Variants in HACE1 observed in about 807,000 individuals in gnomAD.
HACE1 encodes the protein E3 ubiquitin-protein ligase HACE1.
A neutral mutation model predicts 118.4 loss-of-function variants in HACE1; 73 were observed. That is an observed-to-expected ratio of 0.62 (90% CI 0.51 to 0.75). The LOEUF is 0.75. HACE1 is among the 30% of genes least tolerant of loss of function. The pLI, the probability that HACE1 is intolerant of heterozygous loss-of-function variation, is 0.00. For synonymous variants in HACE1, 368 were observed against 374.8 expected, an observed-to-expected ratio of 0.98 and a Z score of 0.21; for missense variants, 749 against 1,102.2, an observed-to-expected ratio of 0.68 and a Z score of 4.54.
intron 19 of HACE1, among the ~76,000 whole-genome samples, chr6:104,752,607 A>C (rs1309922829): frequency 6.6e-6 from 1 of 152,136 alleles, no homozygotes; most frequent in African/African-American, 2.4e-5. Context: ...ACAAGTCATG[A>C]AGCATGAAAA....
At chr6:104,790,154 A>AT (rs1430620925) in intron 11 of HACE1, among the ~76,000 whole-genome samples, 2 of 152,148 alleles carry the variant, frequency 1.3e-5, no homozygotes, top group African/African-American at 4.8e-5. Context: ...TCCTAGACTG[A>AT]TTTTTTTAAA....
intron 19 of HACE1, among the ~76,000 whole-genome samples, chr6:104,754,843 C>T (rs1778427092): frequency 6.6e-6 from 1 of 152,144 alleles, no homozygotes; most frequent in South Asian, 2.1e-4. Context: ...CACTGAAGTA[C>T]ACTGACCAGT....
At chr6:104,800,435 T>C (rs534892784) in intron 7 of HACE1, among the ~76,000 whole-genome samples, 1 of 152,156 alleles carries the variant, frequency 6.6e-6, no homozygotes, top group Non-Finnish European at 1.5e-5. Flanking sequence ...GACCCCTGTG[T>C]AGCCTAACTA....
chr6:104,791,431 TA>T (rs1313525683), intron 11 of HACE1, 72 bp downstream of exon 11: 48 of 1,328,298 alleles, frequency 3.6e-5, no homozygotes, highest in Non-Finnish European at 4.9e-5. Flanking sequence ...GCTTTCTGAT[TA>T]ATGAATGCAT....
rs529990650 is a variant in HACE1 at position 104,729,797 on chromosome 6, G to C, written c.2628-33C>G. On this transcript the variant is annotated intron_variant, in intron 23 of 23. Coordinates refer to ENST00000262903, the MANE Select transcript of HACE1 (RefSeq NM_020771.4). The stretch of plus-strand genomic sequence containing the variant: ...AGAAAAATATACCACCATTAAACAG[G>C]AAATCTATAAAATTTCTGATTGTTT... 1.4e-5 allele frequency: 13 copies of C among 910,632 alleles called. No homozygotes were observed. The East Asian group carries it at 2.4e-4, about 17-fold the overall frequency. 56.4% of individuals were successfully genotyped at this position (910,632 alleles called of 1,614,324 possible).
At chr6:104,843,687 T>A (rs777697606) in intron 4 of HACE1, among the ~76,000 whole-genome samples, 6 of 152,224 alleles carry the variant, frequency 3.9e-5, no homozygotes, top group Non-Finnish European at 7.3e-5. Context: ...GTATCCTACA[T>A]TCTTGACAGC....
chr6:104,737,265 A>T (rs1388820410), intron 22 of HACE1, among the ~76,000 whole-genome samples: 2 of 141,870 alleles, frequency 1.4e-5, no homozygotes, highest in African/African-American at 2.7e-5. Context: ...CCTGGGGGAC[A>T]GAGTGAGACT....
intron 19 of HACE1, among the ~76,000 whole-genome samples, chr6:104,761,918 C>CA (rs773827939): frequency 9.9e-5 from 15 of 152,178 alleles, no homozygotes; most frequent in Non-Finnish European, 1.9e-4. Flanking sequence ...CAAAAGAAGA[C>CA]ATTTATGCAC....
At chr6:104,784,958 A>C in intron 12 of HACE1, 27 bp downstream of exon 12, 1 of 1,484,256 alleles carries the variant, frequency 6.7e-7, no homozygotes, top group Non-Finnish European at 9.4e-7. Context: ...CAGAGAAAAA[A>C]AAAATAATAA....
At chr6:104,834,233 C>A (rs1212177347) in intron 5 of HACE1, among the ~76,000 whole-genome samples, 4 of 152,102 alleles carry the variant, frequency 2.6e-5, no homozygotes, top group Non-Finnish European at 5.9e-5. Context: ...TACTCTGCTT[C>A]TCAGATAATC....
In HACE1 at chr6:104,836,397, C is replaced by T. The variant is rs576374957; in HGVS notation, c.403-3224G>A. ...GTTGCAGTAGGGCAAGAAACAAATA[C>T]AAAAGACATACAAACTGCGAAGAAA... On this transcript the variant is annotated intron_variant, in intron 5 of 23. Transcript: ENST00000262903. Among the ~76,000 whole-genome samples the T allele has an allele frequency of 1.1e-4, 16 of 152,216 alleles. No individual in the cohort carries two copies. The South Asian group carries it at 3.3e-3, about 32-fold the overall frequency.
At chr6:104,787,047 T>C (rs930328739) in intron 11 of HACE1, 1 of 152,222 alleles carries the variant, frequency 6.6e-6, no homozygotes, top group Non-Finnish European at 1.5e-5. Context: ...ATATTCTCTT[T>C]TTGAAAATAT....
intron 7 of HACE1, among the ~76,000 whole-genome samples, chr6:104,799,620 A>C (rs1481801709): frequency 6.6e-6 from 1 of 152,236 alleles, no homozygotes; most frequent in Non-Finnish European, 1.5e-5. Context: ...GAACAGTTAC[A>C]TGGCAGACCA....
intron 22 of HACE1, among the ~76,000 whole-genome samples, chr6:104,742,958 A>T (rs1356749568): frequency 3.4e-4 from 52 of 152,058 alleles, no homozygotes; most frequent in Admixed American, 1.6e-3. Flanking sequence ...GTGGCACATA[A>T]ACACCATGGA....
At chr6:104,780,371 T>C (rs1032819536) in intron 14 of HACE1, 4 of 451,818 alleles carry the variant, frequency 8.9e-6, no homozygotes, top group African/African-American at 2.0e-5. Context: ...CCATAAATAA[T>C]TCACAAAACA....
intron 1 of HACE1, among the ~76,000 whole-genome samples, chr6:104,856,982 A>C (rs1486422036): frequency 6.6e-6 from 1 of 151,988 alleles, no homozygotes; most frequent in Non-Finnish European, 1.5e-5. Context: ...GCTGACTAAA[A>C]AGTTTACAAG....
chr6:104,852,226 TGTGCGCGC>T (rs1459636479), intron 2 of HACE1, 83 bp downstream of exon 2: 5 of 716,894 alleles, frequency 7.0e-6, no homozygotes, highest in African/African-American at 5.9e-5. Context: ...TGTGTGTGTG[TGTGCGCGC>T]GTGCGCGTGC....
At chr6:104,834,413 T>TA (rs1369799713) in intron 5 of HACE1, among the ~76,000 whole-genome samples, 1 of 152,194 alleles carries the variant, frequency 6.6e-6, no homozygotes, top group Middle Eastern at 3.2e-3. Context: ...GTAAAAAATA[T>TA]ATAAAACACC....
At chr6:104,824,304 T>A (rs1773086307) in intron 6 of HACE1, among the ~76,000 whole-genome samples, 2 of 152,204 alleles carry the variant, frequency 1.3e-5, no homozygotes, top group African/African-American at 4.8e-5. Context: ...CATACGATAT[T>A]GAGATATCAT....
Sources: allele counts gnomAD v4.1 joint callset (sites outside exome capture counted in the v4.1 genomes callset), GRCh38; gene constraint gnomAD v4.1.1; transcripts MANE v1.5; gene names NCBI Gene and HGNC (gene_info 2026-07-23, HGNC 2026-07-21).